Variants in GAPDH observed in about 807,000 individuals in gnomAD.
The protein encoded by GAPDH is glyceraldehyde-3-phosphate dehydrogenase.
Under a neutral mutation model 31.2 loss-of-function variants are expected in GAPDH, and 13 were observed. The observed-to-expected ratio is 0.42, with a 90% CI of 0.27 to 0.66. The LOEUF is 0.66. Among genes scored for constraint, GAPDH ranks in the 30% least tolerant of loss-of-function variants. The pLI is 0.26. For missense variants in GAPDH, 300 were observed against 443.7 expected (o/e 0.68, Z 2.91); for synonymous variants, 211 against 166.9 (o/e 1.26, Z -2.04).
chr12:6,536,369 T>G (rs1034235925), intron 2 of GAPDH, 125 bp from the exon 3 acceptor site: 1 of 723,022 alleles, frequency 1.4e-6, no homozygotes, highest in East Asian at 2.5e-5. Context: ...AAATTCAACC[T>G]CTTGGGCCCT....
chr12:6,537,456 C>A lies in GAPDH; in HGVS notation c.525+66C>A. On this transcript the variant is annotated intron_variant, in intron 7 of 8. Transcript: ENST00000229239. The surrounding 1 kb of genome is among the most constrained non-coding windows in gnomAD (Gnocchi z 4.9). Reference sequence around the variant, plus strand: ...TCATCCAAGACTGGCTCCTCCCTGCCGGGGCTGCGTGCAACCCTGGGGTTG... The same window carrying A: ...TCATCCAAGACTGGCTCCTCCCTGCAGGGGCTGCGTGCAACCCTGGGGTTG... 1.3e-6 allele frequency: 2 copies of A among 1,583,390 alleles called. No individual in the cohort carries two copies. Among genetic ancestry groups the A allele is most frequent in the South Asian group, 2.2e-5 (2 of 90,028 alleles).
Position 6,537,806 on chromosome 12 carries a change from G to A in GAPDH, c.748G>A (p.Glu250Lys). 2.5e-6 allele frequency: 4 copies of A among 1,611,890 alleles called. No homozygotes were observed. Among genetic ancestry groups the A allele is most frequent in the Non-Finnish European group, 3.4e-6 (4 of 1,179,864 alleles). Residue 250 changes from glutamate to lysine, a missense_variant, in exon 8 of 9, where the codon GAA becomes AAA. Glu to Lys is a moderately conservative substitution (Grantham distance 56, BLOSUM62 1). Coordinates refer to ENST00000229239, the MANE Select transcript of GAPDH (RefSeq NM_002046.7). The surrounding 1 kb of genome is among the most constrained non-coding windows in gnomAD (Gnocchi z 4.9). The stretch of plus-strand genomic sequence containing the variant: ...AGTGGTGGACCTGACCTGCCGTCTA[G>A]AAAAACCTGCCAAATATGATGACAT... ...VSVVDLTCRL[E>K]KPAKYDDIKK...
rs372101846 is a variant in GAPDH at position 6,537,070 on chromosome 12, G to A, written c.328-31G>A. 4.5e-5 allele frequency: 72 copies of A among 1,608,094 alleles called. No homozygotes were observed. Among genetic ancestry groups the A allele is most frequent in the Non-Finnish European group, 5.4e-5 (64 of 1,177,252 alleles). On this transcript the variant is annotated intron_variant, in intron 5 of 8. Coordinates refer to ENST00000229239, the MANE Select transcript of GAPDH (RefSeq NM_002046.7). The surrounding 1 kb of genome is among the most constrained non-coding windows in gnomAD (Gnocchi z 4.9). ...ACTCAGCCCTGCAAAGGCAGGACCC[G>A]GGTTCATAACTGTCTGCTTCTCTGC...
At position 6,536,905 on chromosome 12, in the gene GAPDH, C is replaced by A; in HGVS notation, c.237-15C>A. ...TCAATATGGTCCTGTCCCCATCTCC[C>A]CCCCACCCCCATAGGCGAGATCCCT... is the stretch of plus-strand genomic sequence containing the variant. On this transcript the variant is annotated splice_polypyrimidine_tract_variant and intron_variant, in intron 4 of 8. Transcript: ENST00000229239. The A allele has an allele frequency of 1.2e-6, 2 of 1,606,928 alleles. No homozygotes were observed. Among genetic ancestry groups the A allele is most frequent in the Non-Finnish European group, 1.7e-6 (2 of 1,173,662 alleles).
At chr12:6,535,497 G>A (rs376132905) in intron 2 of GAPDH, 3 of 954,444 alleles carry the variant, frequency 3.1e-6, no homozygotes, top group East Asian at 1.2e-4. Context: ...GTTTATGGAG[G>A]TCCTCTTGTG....
chr12:6,537,667 C>G lies in GAPDH; in HGVS notation c.609C>G (p.Leu203=), dbSNP rs372768955. The G allele has an allele frequency of 3.7e-6, 6 of 1,611,348 alleles. No individual in the cohort carries two copies. Among genetic ancestry groups the G allele is most frequent in the Middle Eastern group, 2.2e-4 (1 of 4,476 alleles). Reference sequence around the variant, plus strand: ...TGTGGCGTGATGGCCGCGGGGCTCTCCAGAACATCATCCCTGCCTCTACTG... The same window carrying G: ...TGTGGCGTGATGGCCGCGGGGCTCTGCAGAACATCATCCCTGCCTCTACTG... ...GKLWRDGRGA[L]QNIIPASTGA... Residue 203 remains leucine (L), a synonymous_variant, in exon 8 of 9, where the codon CTC becomes CTG. Coordinates refer to ENST00000229239, the MANE Select transcript of GAPDH (RefSeq NM_002046.7). The surrounding 1 kb of genome is among the most constrained non-coding windows in gnomAD (Gnocchi z 4.9).
Position 6,536,810 on chromosome 12 carries a change from G to T in GAPDH, c.236+20G>T. 1 of 1,607,020 alleles carries T rather than the reference G, an allele frequency of 6.2e-7. No homozygotes were observed. On this transcript the variant is annotated intron_variant, in intron 4 of 8. Transcript: ENST00000229239. ...CCAGGAGTGAGTGGAAGACAGAATG[G>T]AAGAAATGTGCTTTGGGGAGGCAAC...
At position 6,537,567 on chromosome 12, in the gene GAPDH, CCTCA is replaced by C. The variant is rs752902101; in HGVS notation, c.526-13_526-10del. 4.4e-6 allele frequency: 7 copies of C among 1,604,756 alleles called. No individual in the cohort carries two copies. The highest frequency in any genetic ancestry group is 1.1e-5 in the South Asian group (1 of 89,554). On this transcript the variant is annotated splice_polypyrimidine_tract_variant and intron_variant, in intron 7 of 8. Transcript: ENST00000229239. This position sits in a 1 kb window ranked among gnomAD's most constrained non-coding sequence, Gnocchi z 4.9. The stretch of plus-strand genomic sequence containing the variant: ...GTGATGTGGGGAGTACGCTGCAGGG[CCTCA>C]CTCCTTTTGCAGACCACAGTCCATG...
At chr12:6,535,146 TG>T in intron 2 of GAPDH, 2 of 992,704 alleles carry the variant, frequency 2.0e-6, no homozygotes, top group Non-Finnish European at 1.3e-6. Flanking sequence ...GACCCCTAGG[TG>T]GGGGACGCTT....
In GAPDH at chr12:6,536,467, C is replaced by T. The variant is rs762516255; in HGVS notation, c.30-27C>T. The T allele has an allele frequency of 3.2e-6, 5 of 1,563,454 alleles. No individual in the cohort carries two copies. In the South Asian group the frequency reaches 4.4e-5, roughly 14 times the overall value. On this transcript the variant is annotated intron_variant, in intron 2 of 8. Transcript: ENST00000229239. Reference sequence around the variant, plus strand: ...ATATTCTGGAGGAGCCTCCCCTCCTCATGCCTTCTTGCCTCTTGTCTCTTA... The same window carrying T: ...ATATTCTGGAGGAGCCTCCCCTCCTTATGCCTTCTTGCCTCTTGTCTCTTA...
rs1161067087 is a variant in GAPDH, at chr12:6,535,016, C to G, written c.29+155C>G. The G allele has an allele frequency of 1.1e-5, 10 of 938,960 alleles. No individual in the cohort carries two copies. In the South Asian group the frequency reaches 1.7e-4, roughly 16 times the overall value. The allele number at this position is 938,960 out of a possible 1,614,324, so 58.2% of individuals were successfully genotyped here. A position where few individuals can be genotyped will look rare whatever the true frequency, so the allele number is the denominator to read the frequency against. On this transcript the variant is annotated intron_variant, in intron 2 of 8. Coordinates refer to ENST00000229239, the MANE Select transcript of GAPDH (RefSeq NM_002046.7). ...GGTCAGCGCTCGGACCTGGCGGAGC[C>G]CCGCACCCAGGCTGTGGCGCCCTGT... is the stretch of plus-strand genomic sequence containing the variant.
At position 6,537,815 on chromosome 12, in the gene GAPDH, G is replaced by C. The variant is rs1234465699; in HGVS notation, c.757G>C (p.Ala253Pro). The C allele has an allele frequency of 6.2e-7, 1 of 1,612,008 alleles. No individual in the cohort carries two copies. Among genetic ancestry groups the C allele is most frequent in the Non-Finnish European group, 8.5e-7 (1 of 1,179,892 alleles). The stretch of plus-strand genomic sequence containing the variant: ...CCTGACCTGCCGTCTAGAAAAACCT[G>C]CCAAATATGATGACATCAAGAAGGT... The part of the protein sequence containing the change: ...VDLTCRLEKP[A>P]KYDDIKKVVK... Residue 253 changes from alanine to proline, a missense_variant, in exon 8 of 9, where the codon GCC becomes CCC. Transcript: ENST00000229239. This position sits in a 1 kb window ranked among gnomAD's most constrained non-coding sequence, Gnocchi z 4.9.
chr12:6,537,292 T>C lies in GAPDH; in HGVS notation c.444-17T>C. The stretch of plus-strand genomic sequence containing the variant: ...CACGCTCCCCTGACTTGCGCCCCGC[T>C]CCCTCTTTCTTTGCAGCAATGCCTC... On this transcript the variant is annotated splice_polypyrimidine_tract_variant and intron_variant, in intron 6 of 8. Transcript: ENST00000229239. This position sits in a 1 kb window ranked among gnomAD's most constrained non-coding sequence, Gnocchi z 4.9. 6.2e-7 allele frequency: 1 copy of C among 1,600,694 alleles called. No homozygotes were observed. The highest frequency in any genetic ancestry group is 8.5e-7 in the Non-Finnish European group (1 of 1,179,086).
rs1946503645 is a variant in GAPDH, at chr12:6,537,496, T to C, written c.526-88T>C. 2.5e-6 allele frequency: 4 copies of C among 1,584,310 alleles called. No individual in the cohort carries two copies. On this transcript the variant is annotated intron_variant, in intron 7 of 8. Coordinates refer to ENST00000229239, the MANE Select transcript of GAPDH (RefSeq NM_002046.7). The surrounding 1 kb of genome is among the most constrained non-coding windows in gnomAD (Gnocchi z 4.9). ...CCCTGGGGTTGGGGGTTCTGGGGAC[T>C]GGCTTTCCCATAATTTCCTTTCAAG...
In GAPDH at chr12:6,534,550, A is replaced by G. The variant is rs1025498919; in HGVS notation, c.-43A>G. On this transcript the variant is annotated 5_prime_UTR_variant, in exon 1 of 9. Transcript: ENST00000229239. ...CTCCTCCTGTTCGACAGTCAGCCGC[A>G]TCTTCTTTTGCGTCGCCAGGTGAAG... 7 of 512,686 alleles carry G rather than the reference A, an allele frequency of 1.4e-5. No individual in the cohort carries two copies. Among genetic ancestry groups the G allele is most frequent in the East Asian group, 7.4e-5 (2 of 26,942 alleles). 31.8% of individuals were successfully genotyped at this position (512,686 alleles called of 1,614,324 possible).
At position 6,537,378 on chromosome 12, in the gene GAPDH, G is replaced by C. The variant is rs562063348; in HGVS notation, c.513G>C (p.Val171=). The C allele has an allele frequency of 6.2e-7, 1 of 1,609,004 alleles. No individual in the cohort carries two copies. Reference sequence around the variant, plus strand: ...TCATCCATGACAACTTTGGTATCGTGGAAGGACTCATGGTATGAGAGCTGG... The same window carrying C: ...TCATCCATGACAACTTTGGTATCGTCGAAGGACTCATGGTATGAGAGCTGG... The part of the protein sequence containing the change: ...AKVIHDNFGI[V]EGLMTTVHAI... Residue 171 remains valine (V), a synonymous_variant, in exon 7 of 9, where the codon GTG becomes GTC. Transcript: ENST00000229239. This position sits in a 1 kb window ranked among gnomAD's most constrained non-coding sequence, Gnocchi z 4.9.
rs376053895 is a variant in GAPDH, at chr12:6,537,212, A to C, written c.439A>C (p.Ile147Leu). Reference sequence around the variant, plus strand: ...GAAGTATGACAACAGCCTCAAGATCATCAGGTGAGGAAGGCAGGGCCCGTG... The same window carrying C: ...GAAGTATGACAACAGCCTCAAGATCCTCAGGTGAGGAAGGCAGGGCCCGTG... ...HEKYDNSLKIISNASCTTNCL... is the reference protein window; with the variant it reads ...HEKYDNSLKILSNASCTTNCL... Residue 147 changes from isoleucine (I) to leucine (L), a missense_variant, in exon 6 of 9, where the codon ATC becomes CTC. Ile to Leu is a conservative substitution (Grantham distance 5). Transcript: ENST00000229239. This position sits in a 1 kb window ranked among gnomAD's most constrained non-coding sequence, Gnocchi z 4.9. The C allele has an allele frequency of 8.7e-6, 14 of 1,611,862 alleles. No homozygotes were observed. Among genetic ancestry groups the C allele is most frequent in the Non-Finnish European group, 1.2e-5 (14 of 1,179,438 alleles).
In GAPDH at chr12:6,537,370, G is replaced by C; in HGVS notation, c.505G>C (p.Gly169Arg). 1.2e-6 allele frequency: 2 copies of C among 1,609,358 alleles called. No individual in the cohort carries two copies. Among genetic ancestry groups the C allele is most frequent in the Non-Finnish European group, 1.7e-6 (2 of 1,179,904 alleles). Residue 169 changes from glycine (G) to arginine (R), a missense_variant, in exon 7 of 9, where the codon GGT (glycine) becomes CGT (arginine). Transcript: ENST00000229239. The surrounding 1 kb of genome is among the most constrained non-coding windows in gnomAD (Gnocchi z 4.9). ...PLAKVIHDNF[G>R]IVEGLMTTVH... Reference sequence around the variant, plus strand: ...GGCCAAGGTCATCCATGACAACTTTGGTATCGTGGAAGGACTCATGGTATG... The same window carrying C: ...GGCCAAGGTCATCCATGACAACTTTCGTATCGTGGAAGGACTCATGGTATG...
Position 6,534,581 on chromosome 12 carries a change from C to T in GAPDH, c.-24+12C>T. On this transcript the variant is annotated intron_variant, in intron 1 of 8. Transcript: ENST00000229239. ...TTTTGCGTCGCCAGGTGAAGACGGG[C>T]GGAGAGAAACCCGGGAGGCTAGGGA... 2 of 551,256 alleles carry T rather than the reference C, an allele frequency of 3.6e-6. No individual in the cohort carries two copies. The highest frequency in any genetic ancestry group is 2.1e-5 in the South Asian group (1 of 48,012). The allele number at this position is 551,256 out of a possible 1,614,324, so 34.1% of individuals were successfully genotyped here.
Sources: allele counts gnomAD v4.1 joint callset, GRCh38; gene constraint gnomAD v4.1.1; non-coding constraint Gnocchi (gnomAD v3.1); transcripts MANE v1.5; gene names NCBI Gene and HGNC (gene_info 2026-07-23, HGNC 2026-07-21).